GPC3: variants seen among roughly 807,000 people sequenced by gnomAD.
GPC3 encodes glypican-3.
In GPC3, 3 loss-of-function variants were observed where a neutral mutation model predicts 34.4. The ratio of observed to expected loss-of-function variants is 0.09; its 90% CI spans 0.04 to 0.23. GPC3 has a LOEUF of 0.23. Among genes scored for constraint, GPC3 ranks in the 10% least tolerant of loss-of-function variants. The probability of loss-of-function intolerance (pLI) is 1.00; values close to 1 mark genes in which losing one functional copy is unlikely to be tolerated. For missense variants in GPC3, 351 were observed against 445.6 expected (o/e 0.79, Z 1.91); for synonymous variants, 177 against 174.0 (o/e 1.02, Z -0.13).
chrX:133,913,053 CAAAAAAA>C (rs1288887225), intron 2 of GPC3, among the ~76,000 whole-genome samples: 1 of 34,198 alleles, frequency 2.9e-5, no homozygotes, highest in African/African-American at 1.1e-4. Flanking sequence ...GACTCCGTCT[CAAAAAAA>C]AAAAAAAAAA....
At chrX:133,680,072 C>T (rs1322876015) in intron 5 of GPC3, among the ~76,000 whole-genome samples, 2 of 111,763 alleles carry the variant, frequency 1.8e-5, no homozygotes, top group Non-Finnish European at 3.8e-5. Flanking sequence ...AAGCCTTAAC[C>T]CAGACAAAGG....
In GPC3 at chrX:133,632,127, TCTCCC is replaced by T. The variant is rs771484364; in HGVS notation, c.1413+29598_1413+29602del. The stretch of plus-strand genomic sequence containing the variant: ...TTTAAAAAATTTTTTTGAGACAGTG[TCTCCC>T]TCTGTTGCCCAGGCTGGAATGCAGT... On this transcript the variant is annotated intron_variant, in intron 6 of 7. Coordinates refer to ENST00000370818, the MANE Select transcript of GPC3 (RefSeq NM_004484.4). Among the ~76,000 whole-genome samples the T allele has an allele frequency of 8.4e-3, 940 of 111,245 alleles. 11 individuals carry two copies. Among genetic ancestry groups the T allele is most frequent in the African/African-American group, 0.028 (864 of 30,559 alleles).
intron 7 of GPC3, among the ~76,000 whole-genome samples, chrX:133,542,082 G>A (rs2069346748): frequency 8.9e-6 from 1 of 111,928 alleles, no homozygotes; most frequent in Non-Finnish European, 1.9e-5. Context: ...TCCCTGACAG[G>A]GCCTCCATAA....
chrX:133,943,614 T>C (rs1397704529), intron 2 of GPC3, among the ~76,000 whole-genome samples: 1 of 112,446 alleles, frequency 8.9e-6, no homozygotes, highest in Admixed American at 9.4e-5. Flanking sequence ...CAAGTATGTC[T>C]GCCTGCTACA....
chrX:133,572,871 A>T (rs1211848831), intron 7 of GPC3, among the ~76,000 whole-genome samples: 1 of 112,098 alleles, frequency 8.9e-6, no homozygotes, highest in East Asian at 2.8e-4. Context: ...CTCTTCCTGA[A>T]ATAGAAGAGG....
chrX:133,602,649 T>C (rs1212287968), intron 6 of GPC3, among the ~76,000 whole-genome samples: 1 of 111,246 alleles, frequency 9.0e-6, no homozygotes, highest in Non-Finnish European at 1.9e-5. Flanking sequence ...TAATAATAAT[T>C]TATTGTATAT....
intron 2 of GPC3, among the ~76,000 whole-genome samples, chrX:133,786,431 G>A (rs1366111983): frequency 2.7e-5 from 3 of 112,384 alleles, no homozygotes; most frequent in Non-Finnish European, 3.8e-5. Context: ...AAAGAACCCC[G>A]ATAGGGTTTT....
intron 3 of GPC3, among the ~76,000 whole-genome samples, chrX:133,734,012 C>T (rs1201154856): frequency 8.9e-6 from 1 of 111,983 alleles, no homozygotes; most frequent in African/African-American, 3.2e-5. Context: ...AATAGAAGAT[C>T]TTTAGAAGAG....
intron 4 of GPC3, among the ~76,000 whole-genome samples, chrX:133,698,937 G>C (rs1409990048): frequency 8.9e-6 from 1 of 111,790 alleles, no homozygotes; most frequent in Non-Finnish European, 1.9e-5. Context: ...ACAAAGAAAG[G>C]CTCCATCTCA....
chrX:133,673,380 TA>T (rs1192019746), intron 5 of GPC3, among the ~76,000 whole-genome samples: 1 of 112,431 alleles, frequency 8.9e-6, no homozygotes, highest in Non-Finnish European at 1.9e-5. Flanking sequence ...CTAAAGTTAT[TA>T]TTGGCATCAC....
At chrX:133,554,287 C>G (rs1272062857) in intron 7 of GPC3, among the ~76,000 whole-genome samples, 1 of 107,159 alleles carries the variant, frequency 9.3e-6, no homozygotes, top group Non-Finnish European at 1.9e-5. Context: ...GCTAGGATTA[C>G]AGGTGTGAGC....
chrX:133,642,772 CAAAA>C (rs375514321), intron 6 of GPC3, among the ~76,000 whole-genome samples: 2 of 25,795 alleles, frequency 7.8e-5, no homozygotes, highest in Admixed American at 5.5e-4. Flanking sequence ...AACTACGTCT[CAAAA>C]AAAAAAAAAA....
Position 133,915,331 on chromosome X carries a change from G to A in GPC3, c.337+37719C>T, listed in dbSNP as rs909915744. 3.7e-5 allele frequency among the ~76,000 whole-genome samples: 4 copies of A among 109,321 alleles called. No individual in the cohort carries two copies. The East Asian group carries it at 8.6e-4, about 23-fold the overall frequency. The allele number at this position is 109,321 out of a possible 115,157, so 94.9% of individuals were successfully genotyped here. A position where few individuals can be genotyped will look rare whatever the true frequency, so the allele number is the denominator to read the frequency against. On this transcript the variant is annotated intron_variant, in intron 2 of 7. Transcript: ENST00000370818. Reference sequence around the variant, plus strand: ...TAGGATTACAGGCACCCACCACCACGCCTGGCTAATTTTTTGTATTCTTAG... The same window carrying A: ...TAGGATTACAGGCACCCACCACCACACCTGGCTAATTTTTTGTATTCTTAG...
intron 3 of GPC3, among the ~76,000 whole-genome samples, chrX:133,719,090 C>A (rs190794230): frequency 1.8e-5 from 2 of 111,143 alleles, no homozygotes; most frequent in East Asian, 5.7e-4. Context: ...TATAAGCCAA[C>A]TAGATCAAAC....
intron 3 of GPC3, among the ~76,000 whole-genome samples, chrX:133,747,603 G>C (rs1022336921): frequency 8.9e-6 from 1 of 111,738 alleles, no homozygotes; most frequent in Non-Finnish European, 1.9e-5. Flanking sequence ...GAGCAATATA[G>C]AGTAATGGTT....
At chrX:133,864,232 G>A (rs924633423) in intron 2 of GPC3, among the ~76,000 whole-genome samples, 4 of 111,107 alleles carry the variant, frequency 3.6e-5, no homozygotes, top group African/African-American at 1.3e-4. Context: ...GGAGGAGGAA[G>A]AAGGGATGAC....
rs771552557 is a variant in GPC3 at position 133,733,663 on chromosome X, A to G, written c.1032+19819T>C. ...TTTAGCTAGACTGACCAACAAAAAAAGAGAAAATACTCAAATTACTATAAT... is the reference window on the plus strand; with the variant it reads ...TTTAGCTAGACTGACCAACAAAAAAGGAGAAAATACTCAAATTACTATAAT... On this transcript the variant is annotated intron_variant, in intron 3 of 7. Coordinates refer to ENST00000370818, the MANE Select transcript of GPC3 (RefSeq NM_004484.4). Among the ~76,000 whole-genome samples, 14 of 111,357 alleles carry G rather than the reference A, an allele frequency of 1.3e-4. No individual in the cohort carries two copies. In the South Asian group the frequency reaches 4.6e-3, roughly 36 times the overall value.
intron 2 of GPC3, among the ~76,000 whole-genome samples, chrX:133,928,290 T>G (rs372262604): frequency 8.9e-6 from 1 of 112,187 alleles, no homozygotes; most frequent in East Asian, 2.8e-4. Context: ...ATGTTTCTAT[T>G]CATGAAACAG....
chrX:133,569,603 C>A (rs889929742), intron 7 of GPC3, among the ~76,000 whole-genome samples: 1 of 112,201 alleles, frequency 8.9e-6, no homozygotes, highest in African/African-American at 3.2e-5. Context: ...CTTCTCTAAC[C>A]AGACAGGCTT....
Sources: allele counts gnomAD v4.1 joint callset (sites outside exome capture counted in the v4.1 genomes callset), GRCh38; gene constraint gnomAD v4.1.1; transcripts MANE v1.5; gene names NCBI Gene and HGNC (gene_info 2026-07-23, HGNC 2026-07-21).